The following ODR4 variants were observed in gnomAD, a reference collection of about 807,000 sequenced individuals.
ODR4 encodes the protein protein odr-4 homolog.
Under a neutral mutation model 60.2 loss-of-function variants are expected in ODR4, and 47 were observed. The ratio of observed to expected loss-of-function variants is 0.78; its 90% CI spans 0.62 to 1.00. The LOEUF (loss-of-function observed/expected upper bound fraction) is 1.00, where lower values mean the gene tolerates loss of function less well. ODR4 is among the 50% of genes least tolerant of loss of function. The pLI is 0.00. For synonymous variants in ODR4, 178 were observed against 175.5 expected (o/e 1.01, Z -0.11); for missense variants, 488 against 530.8 (o/e 0.92, Z 0.79).
At chr1:186,418,244 GTGTCTGTC>G (rs1044868210) in intron 13 of ODR4, among the ~76,000 whole-genome samples, 5 of 150,212 alleles carry the variant, frequency 3.3e-5, no homozygotes, top group Admixed American at 2.0e-4. Flanking sequence ...ACATGTGTGT[GTGTCTGTC>G]TGTCTGTCTG....
At chr1:186,389,255 C>G (rs942080501) in intron 5 of ODR4, among the ~76,000 whole-genome samples, 4 of 151,682 alleles carry the variant, frequency 2.6e-5, no homozygotes, top group Admixed American at 2.6e-4. Context: ...TCATATAAAA[C>G]AGTGGTACTT....
the ODR4 span, among the ~76,000 whole-genome samples, chr1:186,434,968 G>T: frequency 1.3e-5 from 2 of 152,234 alleles, no homozygotes; most frequent in African/African-American, 4.8e-5. Context: ...ATTGGAAGCA[G>T]GGAGTGAACG....
chr1:186,420,414 A>G lies in ODR4; in HGVS notation c.*1338A>G, dbSNP rs1661733520. 6.6e-6 allele frequency: 1 copy of G among 152,230 alleles called. No homozygotes were observed. Among genetic ancestry groups the G allele is most frequent in the African/African-American group, 2.4e-5 (1 of 41,468 alleles). 9.4% of individuals were successfully genotyped at this position (152,230 alleles called of 1,614,324 possible). ...AGTTCCAAGATTCCTACAGATTATTATCAAGTAGTAGTATTTTATGACTAG... is the reference window on the plus strand; with the variant it reads ...AGTTCCAAGATTCCTACAGATTATTGTCAAGTAGTAGTATTTTATGACTAG... On this transcript the variant is annotated 3_prime_UTR_variant, in exon 14 of 14. Coordinates refer to ENST00000287859, the MANE Select transcript of ODR4 (RefSeq NM_017847.6).
chr1:186,434,027 T>G, the ODR4 span, among the ~76,000 whole-genome samples: 2 of 152,206 alleles, frequency 1.3e-5, no homozygotes, highest in African/African-American at 4.8e-5. Flanking sequence ...ACTTTTTTCC[T>G]GTAGTCTGTC....
At chr1:186,383,179 A>G (rs763801594) in intron 3 of ODR4, 23 bp downstream of exon 3, 82 of 1,540,188 alleles carry the variant, frequency 5.3e-5, no homozygotes, top group Admixed American at 1.3e-4. Context: ...TTTTGTTTAT[A>G]TGTTTAAGTT....
chr1:186,405,508 T>C (rs1661138321), intron 11 of ODR4, among the ~76,000 whole-genome samples: 1 of 152,184 alleles, frequency 6.6e-6, no homozygotes, highest in Non-Finnish European at 1.5e-5. Context: ...CGTATAAGAA[T>C]GTGTAATCAA....
intron 11 of ODR4, among the ~76,000 whole-genome samples, chr1:186,404,436 C>G (rs1400259325): frequency 6.6e-6 from 1 of 152,048 alleles, no homozygotes; most frequent in Non-Finnish European, 1.5e-5. Context: ...TTCAGATAGA[C>G]CAAGAATTGA....
chr1:186,398,211 A>G, intron 9 of ODR4, 102 bp from the exon 10 acceptor site: 11 of 1,110,496 alleles, frequency 9.9e-6, no homozygotes, highest in Non-Finnish European at 1.3e-5. Flanking sequence ...GGCTCAGTCA[A>G]AACTTTGTTC....
At chr1:186,379,091 A>G (rs1659914425) in intron 1 of ODR4, among the ~76,000 whole-genome samples, 1 of 152,230 alleles carries the variant, frequency 6.6e-6, no homozygotes, top group Non-Finnish European at 1.5e-5. Flanking sequence ...TGAGAACACC[A>G]AGACTTAGCA....
the ODR4 span, among the ~76,000 whole-genome samples, chr1:186,428,178 A>C: frequency 6.6e-6 from 1 of 152,182 alleles, no homozygotes; most frequent in Non-Finnish European, 1.5e-5. Flanking sequence ...AGTAGATGGG[A>C]TCTTCTTCCA....
chr1:186,397,128 T>G (rs890632669), intron 9 of ODR4, among the ~76,000 whole-genome samples: 4 of 152,216 alleles, frequency 2.6e-5, no homozygotes, highest in African/African-American at 9.7e-5. Context: ...AAGTTTAAAT[T>G]GTTTAACAAC....
downstream of ODR4, among the ~76,000 whole-genome samples, chr1:186,423,219 T>A (rs191451045): frequency 1.4e-4 from 21 of 152,232 alleles, 1 homozygote; most frequent in East Asian, 4.0e-3. Context: ...AAATAGCTAA[T>A]GAGGGAATAC....
At chr1:186,408,515 T>C (rs1661253623) in intron 12 of ODR4, among the ~76,000 whole-genome samples, 1 of 150,086 alleles carries the variant, frequency 6.7e-6, no homozygotes, top group South Asian at 2.1e-4. Flanking sequence ...ATAAACAATA[T>C]ATAATGTTTA....
At chr1:186,380,072 C>T (rs1659967495) in intron 2 of ODR4, among the ~76,000 whole-genome samples, 188 bp downstream of exon 2, 1 of 152,118 alleles carries the variant, frequency 6.6e-6, no homozygotes, top group South Asian at 2.1e-4. Flanking sequence ...GTAGACAAAC[C>T]TAGCCCAATT....
the ODR4 span, among the ~76,000 whole-genome samples, chr1:186,428,819 CTGAT>C: frequency 1.5e-4 from 23 of 152,102 alleles, no homozygotes; most frequent in South Asian, 6.2e-4. Context: ...AGGGAAATGA[CTGAT>C]TGGTTGAGTA....
chr1:186,417,350 CTG>C, intron 12 of ODR4, 192 bp from the exon 13 acceptor site: 2 of 505,210 alleles, frequency 4.0e-6, no homozygotes, highest in East Asian at 3.7e-5. Context: ...GTTTTGAAAA[CTG>C]TTAATTTGAC....
intron 4 of ODR4, among the ~76,000 whole-genome samples, chr1:186,387,797 C>G (rs1038673442): frequency 6.6e-6 from 1 of 152,042 alleles, no homozygotes; most frequent in Non-Finnish European, 1.5e-5. Flanking sequence ...AAGCTTAGAC[C>G]GAAATGTATT....
chr1:186,424,829 G>A (rs1661857267), downstream of ODR4, among the ~76,000 whole-genome samples: 1 of 152,010 alleles, frequency 6.6e-6, no homozygotes, highest in Non-Finnish European at 1.5e-5. Context: ...TGGGATCCAA[G>A]AAGCAGCATC....
At chr1:186,392,960 G>A (rs904155875) in intron 8 of ODR4, among the ~76,000 whole-genome samples, 4 of 152,184 alleles carry the variant, frequency 2.6e-5, no homozygotes, top group Non-Finnish European at 2.9e-5. Flanking sequence ...AGCCGAGATC[G>A]TGCCACTGCA....
Sources: allele counts gnomAD v4.1 joint callset (sites outside exome capture counted in the v4.1 genomes callset), GRCh38; gene constraint gnomAD v4.1.1; transcripts MANE v1.5; gene names NCBI Gene and HGNC (gene_info 2026-07-23, HGNC 2026-07-21).